Variants in LRRN3 observed in about 807,000 individuals in gnomAD.
LRRN3 encodes leucine-rich repeat neuronal protein 3.
Under a neutral mutation model 40.1 loss-of-function variants are expected in LRRN3, and 15 were observed. The ratio of observed to expected loss-of-function variants is 0.37; its 90% CI spans 0.25 to 0.58. LRRN3 has a LOEUF of 0.58. Among genes scored for constraint, LRRN3 ranks in the 20% least tolerant of loss-of-function variants. LRRN3 has a pLI of 0.72. For synonymous variants in LRRN3, 308 were observed against 297.2 expected (o/e 1.04, Z -0.37); for missense variants, 746 against 837.7 (o/e 0.89, Z 1.35).
chr7:111,123,804 T>C lies in LRRN3; in HGVS notation c.1032T>C (p.Asn344=). The C allele has an allele frequency of 6.2e-7, 1 of 1,613,998 alleles. No individual in the cohort carries two copies. Among genetic ancestry groups the C allele is most frequent in the Non-Finnish European group, 8.5e-7 (1 of 1,179,968 alleles). The part of the protein sequence containing the change: ...PKLESLMLNS[N]ALSALYHGTI... Reference sequence around the variant, plus strand: ...TGGAATCACTCATGCTGAACAGCAATGCTCTCAGTGCCCTGTACCATGGTA... The same window carrying C: ...TGGAATCACTCATGCTGAACAGCAACGCTCTCAGTGCCCTGTACCATGGTA... Residue 344 remains asparagine (N), a synonymous_variant, in exon 3 of 3, where the codon AAT becomes AAC. Transcript: ENST00000308478. The surrounding 1 kb of genome is among the most constrained non-coding windows in gnomAD (Gnocchi z 6.4).
At chr7:111,107,887 A>G (rs1434051011) in intron 2 of LRRN3, among the ~76,000 whole-genome samples, 1 of 152,124 alleles carries the variant, frequency 6.6e-6, no homozygotes, top group Non-Finnish European at 1.5e-5. Context: ...TTTTAAGTAA[A>G]TTTTACTAGT....
intron 2 of LRRN3, among the ~76,000 whole-genome samples, chr7:111,116,472 C>T (rs1799892645): frequency 6.6e-6 from 1 of 152,112 alleles, no homozygotes; most frequent in Non-Finnish European, 1.5e-5. Context: ...ACATGACATA[C>T]ATTTTACTAT....
intron 2 of LRRN3, among the ~76,000 whole-genome samples, chr7:111,121,533 C>A (rs1283357275): frequency 6.6e-6 from 1 of 152,124 alleles, no homozygotes; most frequent in African/African-American, 2.4e-5. Flanking sequence ...CAATGAGATA[C>A]CATCTCACAC....
At chr7:111,103,022 G>A (rs1008711809) in intron 2 of LRRN3, among the ~76,000 whole-genome samples, 8 of 151,426 alleles carry the variant, frequency 5.3e-5, no homozygotes, top group African/African-American at 1.9e-4. Context: ...TCTTTTTTAA[G>A]ACTACAGTGT....
rs1406863287 is a variant in LRRN3 at position 111,103,992 on chromosome 7, A to G, written c.-359+4030A>G. On this transcript the variant is annotated intron_variant, in intron 2 of 2. Transcript: ENST00000308478. ...CAAGAAATTTTAGGGTTAAATGTGGAACAAAATGGGAACACTGAAAAGTGG... is the reference window on the plus strand; with the variant it reads ...CAAGAAATTTTAGGGTTAAATGTGGGACAAAATGGGAACACTGAAAAGTGG... Among the ~76,000 whole-genome samples, 5 of 151,656 alleles carry G rather than the reference A, an allele frequency of 3.3e-5. No homozygotes were observed. In the Admixed American group the frequency reaches 3.3e-4, roughly 10 times the overall value.
At chr7:111,111,180 G>A (rs1799147986) in intron 2 of LRRN3, among the ~76,000 whole-genome samples, 1 of 151,260 alleles carries the variant, frequency 6.6e-6, no homozygotes, top group Non-Finnish European at 1.5e-5. Flanking sequence ...ACCCTGTTTT[G>A]AAAGAACTCT....
intron 2 of LRRN3, 72 bp downstream of exon 2, chr7:111,100,034 C>T (rs1328575668): frequency 1.3e-5 from 2 of 151,768 alleles, no homozygotes; most frequent in African/African-American, 4.8e-5. Context: ...AATGGAGAAG[C>T]ATTTGCCCAA....
intron 1 of LRRN3, among the ~76,000 whole-genome samples, chr7:111,098,531 C>T (rs997775721): frequency 1.3e-5 from 2 of 151,694 alleles, no homozygotes; most frequent in Non-Finnish European, 3.0e-5. Flanking sequence ...AGCCCTTATA[C>T]GTTCAAACCA....
Position 111,122,661 on chromosome 7 carries a change from C to A in LRRN3, c.-112C>A. 1 of 827,698 alleles carries A rather than the reference C, an allele frequency of 1.2e-6. No individual in the cohort carries two copies. The highest frequency in any genetic ancestry group is 1.9e-6 in the Non-Finnish European group (1 of 519,504). 51.3% of individuals were successfully genotyped at this position (827,698 alleles called of 1,614,324 possible). On this transcript the variant is annotated 5_prime_UTR_variant, in exon 3 of 3. It introduces an in-frame stop codon into an upstream open reading frame of the 5' UTR. Transcript: ENST00000308478. ...AAAAACTTTGTGGTTCTATGGCATT[C>A]ATCATTTGACAAATGCAAGCATCTT...
chr7:111,095,098 T>C (rs1012301762), intron 1 of LRRN3, among the ~76,000 whole-genome samples: 3 of 152,040 alleles, frequency 2.0e-5, no homozygotes, highest in African/African-American at 7.2e-5. Context: ...GAATTTTCTA[T>C]GGTGCCATTA....
rs1201181335 is a variant in LRRN3, at chr7:111,123,896, T to C, written c.1124T>C (p.Val375Ala). 1 of 1,613,888 alleles carries C rather than the reference T, an allele frequency of 6.2e-7. No homozygotes were observed. The highest frequency in any genetic ancestry group is 8.5e-7 in the Non-Finnish European group (1 of 1,180,002). Residue 375 changes from valine to alanine, a missense_variant, in exon 3 of 3, where the codon GTC becomes GCC. By Grantham distance (64) the Val-to-Ala change is moderately conservative. Coordinates refer to ENST00000308478, the MANE Select transcript of LRRN3 (RefSeq NM_001099658.2). The surrounding 1 kb of genome is among the most constrained non-coding windows in gnomAD (Gnocchi z 6.4). The stretch of plus-strand genomic sequence containing the variant: ...AGTAACCCCATCAGGTGTGACTGTG[T>C]CATCCGTTGGATGAACATGAACAAA... ...IHSNPIRCDC[V>A]IRWMNMNKTN...
At chr7:111,117,199 A>G (rs1305484495) in intron 2 of LRRN3, among the ~76,000 whole-genome samples, 1 of 152,146 alleles carries the variant, frequency 6.6e-6, no homozygotes, top group African/African-American at 2.4e-5. Flanking sequence ...AAAAACACAA[A>G]GGTTAAAATC....
intron 1 of LRRN3, among the ~76,000 whole-genome samples, chr7:111,093,633 A>T (rs931658610): frequency 6.6e-6 from 1 of 152,158 alleles, no homozygotes; most frequent in African/African-American, 2.4e-5. Flanking sequence ...GCTCACATAC[A>T]TATTTTGTGG....
Position 111,091,234 on chromosome 7 carries a change from G to A in LRRN3, c.-711G>A, listed in dbSNP as rs1307219896. On this transcript the variant is annotated 5_prime_UTR_variant, in exon 1 of 3. Coordinates refer to ENST00000308478, the MANE Select transcript of LRRN3 (RefSeq NM_001099658.2). ...TCTCTTCACTGGATTGAGAGCCTCA[G>A]CCTGCCGACTGAGAAAAAGAGTTCC... The A allele has an allele frequency of 6.6e-6, 1 of 152,218 alleles. No homozygotes were observed. Among genetic ancestry groups the A allele is most frequent in the Non-Finnish European group, 1.5e-5 (1 of 68,056 alleles). 9.4% of individuals were successfully genotyped at this position (152,218 alleles called of 1,614,324 possible).
intron 1 of LRRN3, among the ~76,000 whole-genome samples, chr7:111,093,070 A>T (rs1419285607): frequency 1.3e-5 from 2 of 152,252 alleles, no homozygotes; most frequent in Non-Finnish European, 2.9e-5. Flanking sequence ...AGTTTACAAC[A>T]TGTAATATAA....
chr7:111,112,164 C>G (rs534465693), intron 2 of LRRN3, among the ~76,000 whole-genome samples: 5 of 151,604 alleles, frequency 3.3e-5, no homozygotes, highest in African/African-American at 1.2e-4. Flanking sequence ...GACTGGGTTT[C>G]GCCATGTTGG....
chr7:111,102,863 A>G (rs1285686092), intron 2 of LRRN3, among the ~76,000 whole-genome samples: 2 of 151,558 alleles, frequency 1.3e-5, no homozygotes, highest in Non-Finnish European at 3.0e-5. Flanking sequence ...CAATCTTTGA[A>G]ATTATAAATC....
In LRRN3 at chr7:111,122,971, T is replaced by C. The variant is rs747217500; in HGVS notation, c.199T>C (p.Leu67=). The change falls in exon 3 of 3, where the codon TTG becomes CTG. Residue 67 remains leucine (L), a synonymous_variant. Coordinates refer to ENST00000308478, the MANE Select transcript of LRRN3 (RefSeq NM_001099658.2). ...AGGTCTTTTAACTTTCCCAGCCAGA[T>C]TGCCAGCTAACACACAGATTCTTCT... The part of the protein sequence containing the change: ...DLGLLTFPAR[L]PANTQILLLQ... 1.2e-6 allele frequency: 2 copies of C among 1,614,050 alleles called. No individual in the cohort carries two copies. Among genetic ancestry groups the C allele is most frequent in the Admixed American group, 1.7e-5 (1 of 59,982 alleles).
intron 2 of LRRN3, among the ~76,000 whole-genome samples, chr7:111,112,741 T>C (rs1799387702): frequency 6.6e-6 from 1 of 152,152 alleles, no homozygotes; most frequent in African/African-American, 2.4e-5. Context: ...AATCCCATGC[T>C]TATTATAGGG....
Sources: allele counts gnomAD v4.1 joint callset (sites outside exome capture counted in the v4.1 genomes callset), GRCh38; gene constraint gnomAD v4.1.1; non-coding constraint Gnocchi (gnomAD v3.1); transcripts MANE v1.5; gene names NCBI Gene and HGNC (gene_info 2026-07-23, HGNC 2026-07-21).